The following IQCK variants were observed in gnomAD, a reference collection of about 807,000 sequenced individuals.
IQCK encodes the protein IQ motif containing K.
A neutral mutation model predicts 28.1 loss-of-function variants in IQCK; 29 were observed. The ratio of observed to expected loss-of-function variants is 1.03; its 90% confidence interval spans 0.77 to 1.41. The LOEUF is 1.41. Ranked by LOEUF, IQCK falls within the 40% of genes most tolerant of loss-of-function variation. The probability of loss-of-function intolerance (pLI) is 0.00; values close to 1 mark genes in which losing one functional copy is unlikely to be tolerated. For missense variants in IQCK, 359 were observed against 314.7 expected (o/e 1.14, Z -1.07); for synonymous variants, 113 against 115.1 (o/e 0.98, Z 0.12).
chr16:19,806,850 A>G (rs781487889), intron 7 of IQCK, among the ~76,000 whole-genome samples: 1 of 152,278 alleles, frequency 6.6e-6, no homozygotes, highest in East Asian at 1.9e-4. Flanking sequence ...ATTCTGACTG[A>G]TAAGAAATGA....
exon 1 of IQCK, chr16:19,718,446 C>G: frequency 6.2e-7 from 1 of 1,606,632 alleles, no homozygotes; most frequent in Non-Finnish European, 8.5e-7. Flanking sequence ...TGGCAGGTCA[C>G]CGAGCCGTCA....
intron 1 of IQCK, among the ~76,000 whole-genome samples, chr16:19,728,783 G>T (rs1293916617): frequency 6.6e-6 from 1 of 152,218 alleles, no homozygotes; most frequent in Non-Finnish European, 1.5e-5. Context: ...AACGAATACA[G>T]TTGGTATTGA....
intron 9 of IQCK, among the ~76,000 whole-genome samples, chr16:19,844,044 A>C (rs2056388833): frequency 6.6e-6 from 1 of 150,860 alleles, no homozygotes; most frequent in South Asian, 2.1e-4. Context: ...GCTGCTATGA[A>C]TATTCATGTA....
intron 4 of IQCK, among the ~76,000 whole-genome samples, chr16:19,747,489 T>A (rs1194696817): frequency 1.3e-5 from 2 of 151,654 alleles, no homozygotes; most frequent in African/African-American, 4.8e-5. Flanking sequence ...GGAAATAGAT[T>A]CCTTTTTTTT....
chr16:19,846,990 G>A (rs1474857483), intron 9 of IQCK, among the ~76,000 whole-genome samples: 1 of 152,084 alleles, frequency 6.6e-6, no homozygotes, highest in Non-Finnish European at 1.5e-5. Context: ...GGGTTTTGGA[G>A]TCAAAAGATA....
chr16:19,833,938 A>T (rs2056263995), intron 9 of IQCK, among the ~76,000 whole-genome samples: 1 of 151,938 alleles, frequency 6.6e-6, no homozygotes, highest in Non-Finnish European at 1.5e-5. Context: ...AAAAAATAAA[A>T]TTAGCCAGGC....
intron 7 of IQCK, among the ~76,000 whole-genome samples, chr16:19,816,855 C>T (rs1210409900): frequency 6.6e-6 from 1 of 152,164 alleles, no homozygotes; most frequent in Non-Finnish European, 1.5e-5. Flanking sequence ...TAGCACTTTG[C>T]ATGTATTATC....
chr16:19,763,956 T>C (rs1174561043), intron 5 of IQCK, 56 bp downstream of exon 5: 4 of 1,596,410 alleles, frequency 2.5e-6, no homozygotes, highest in East Asian at 4.5e-5. Flanking sequence ...CGTGTTAATT[T>C]GCAAGCAGAA....
downstream of IQCK, among the ~76,000 whole-genome samples, chr16:19,828,231 C>CTTTTTT (rs749049124): frequency 3.6e-4 from 39 of 107,238 alleles, no homozygotes; most frequent in Non-Finnish European, 4.9e-4. Flanking sequence ...TCTTTCTTTT[C>CTTTTTT]TTTTTTTTTT....
intron 4 of IQCK, among the ~76,000 whole-genome samples, chr16:19,755,621 G>A (rs1275720116): frequency 3.3e-5 from 5 of 152,222 alleles, no homozygotes; most frequent in South Asian, 4.1e-4. Flanking sequence ...CAGAACCGTT[G>A]TTGGATGACT....
intron 6 of IQCK, among the ~76,000 whole-genome samples, chr16:19,782,170 C>G (rs1179585970): frequency 6.6e-6 from 1 of 151,960 alleles, no homozygotes; most frequent in Non-Finnish European, 1.5e-5. Flanking sequence ...TTGTAAATGG[C>G]TTTACATCCG....
intron 9 of IQCK, among the ~76,000 whole-genome samples, chr16:19,843,895 T>C (rs1207206693): frequency 6.6e-6 from 1 of 152,174 alleles, no homozygotes; most frequent in African/African-American, 2.4e-5. Context: ...GGCTTCATCA[T>C]ATGAATTCTG....
rs114962783 is a variant in IQCK, at chr16:19,759,638, A to G, written c.475-4210A>G. Among the ~76,000 whole-genome samples, 549 of 152,316 alleles carry G rather than the reference A, an allele frequency of 3.6e-3. 5 individuals carry two copies. Among genetic ancestry groups the G allele is most frequent in the African/African-American group, 0.013 (527 of 41,558 alleles). ...GACTCATGTTACAGTCTCAGGTGCT[A>G]TGACAGACAAGCACACGGAAAACTG... On this transcript the variant is annotated intron_variant, in intron 4 of 7. Coordinates refer to ENST00000564186, the Ensembl canonical transcript of IQCK.
intron 1 of IQCK, among the ~76,000 whole-genome samples, chr16:19,726,805 C>T (rs1383997617): frequency 6.6e-6 from 1 of 152,168 alleles, no homozygotes; most frequent in East Asian, 1.9e-4. Context: ...CAGATCCAGG[C>T]ACTTCCCTTA....
At chr16:19,810,439 G>A (rs376424360) in intron 7 of IQCK, among the ~76,000 whole-genome samples, 14 of 151,690 alleles carry the variant, frequency 9.2e-5, no homozygotes, top group East Asian at 7.8e-4. Flanking sequence ...GGAGCTTGCA[G>A]TGAGCCGAGA....
chr16:19,735,967 G>A (rs1018577309), intron 4 of IQCK: 7 of 383,034 alleles, frequency 1.8e-5, no homozygotes, highest in Admixed American at 6.8e-5. Flanking sequence ...TCAAGAGGCT[G>A]AGGCAGGAAG....
chr16:19,720,123 G>T (rs535613316), intron 1 of IQCK, among the ~76,000 whole-genome samples: 2 of 152,328 alleles, frequency 1.3e-5, no homozygotes, highest in East Asian at 3.9e-4. Context: ...ATACAGAGAA[G>T]GAAGAGAATA....
chr16:19,811,994 T>A (rs2055913086), intron 7 of IQCK, among the ~76,000 whole-genome samples: 2 of 151,044 alleles, frequency 1.3e-5, no homozygotes, highest in African/African-American at 4.9e-5. Flanking sequence ...AATTTTTTTT[T>A]TTTTTTTTTT....
At chr16:19,769,281 T>TAGGG (rs1407859351) in intron 6 of IQCK, among the ~76,000 whole-genome samples, 1 of 152,278 alleles carries the variant, frequency 6.6e-6, no homozygotes, top group East Asian at 1.9e-4. Context: ...AGCTCTACCT[T>TAGGG]AGGGAGGGAG....
Sources: gnomAD v4.1 joint callset for allele counts (sites outside exome capture counted in the v4.1 genomes callset) on GRCh38, gnomAD v4.1.1 for gene constraint, MANE v1.5 for transcripts, NCBI Gene and HGNC (gene_info 2026-07-23, HGNC 2026-07-21) for gene names.